Variants in ANKRD36 observed in about 807,000 individuals in gnomAD.
ANKRD36 encodes ankyrin repeat domain 36.
ANKRD36 carries 179 observed loss-of-function variants against 278.1 expected under a neutral mutation model. The observed-to-expected ratio is 0.64, with a 90% CI of 0.57 to 0.73. The LOEUF (loss-of-function observed/expected upper bound fraction) is 0.73. Among genes scored for constraint, ANKRD36 ranks in the 30% least tolerant of loss-of-function variants. ANKRD36 has a pLI of 0.00. For missense variants in ANKRD36, 1,159 were observed against 1,956.7 expected (o/e 0.59, Z 7.69); for synonymous variants, 320 against 641.1 (o/e 0.50, Z 7.57).
intron 64 of ANKRD36, among the ~76,000 whole-genome samples, chr2:97,217,939 T>G (rs1348215747): frequency 6.6e-6 from 1 of 151,924 alleles, no homozygotes; most frequent in Non-Finnish European, 1.5e-5. Context: ...CAGATGCATT[T>G]TGAATATTTG....
chr2:97,120,584 T>C (rs2036534141), intron 3 of ANKRD36, among the ~76,000 whole-genome samples: 1 of 151,612 alleles, frequency 6.6e-6, no homozygotes, highest in African/African-American at 2.4e-5. Flanking sequence ...TCTGGGAAAA[T>C]TAAACATAAA....
intron 16 of ANKRD36, among the ~76,000 whole-genome samples, 189 bp from the exon 17 acceptor site, chr2:97,158,399 G>C (rs2048055657): frequency 1.3e-5 from 2 of 152,024 alleles, no homozygotes; most frequent in African/African-American, 4.8e-5. Flanking sequence ...GGCTATTTTT[G>C]TATTTTTGGT....
intron 28 of ANKRD36, 124 bp from the exon 29 acceptor site, chr2:97,185,192 A>G: frequency 7.5e-7 from 1 of 1,337,654 alleles, no homozygotes. Context: ...GTCCCCAGAC[A>G]CAAAAATCAA....
chr2:97,195,976 A>G (rs1575655679), intron 40 of ANKRD36, among the ~76,000 whole-genome samples: 1 of 152,094 alleles, frequency 6.6e-6, no homozygotes, highest in African/African-American at 2.4e-5. Context: ...AAACTAGTGG[A>G]TACAAGAAAC....
intron 11 of ANKRD36, among the ~76,000 whole-genome samples, chr2:97,148,125 T>A (rs1446550657): frequency 1.3e-5 from 2 of 151,976 alleles, no homozygotes; most frequent in Non-Finnish European, 2.9e-5. Context: ...CTTAAGTACA[T>A]AGATCTGTGA....
At chr2:97,128,007 A>T (rs1217487209) in intron 6 of ANKRD36, among the ~76,000 whole-genome samples, 3 of 151,972 alleles carry the variant, frequency 2.0e-5, no homozygotes, top group African/African-American at 7.2e-5. Flanking sequence ...TGAACATTGA[A>T]TGTAAAACAT....
At chr2:97,227,743 G>T (rs1252420431) in intron 67 of ANKRD36, among the ~76,000 whole-genome samples, 104 of 152,190 alleles carry the variant, frequency 6.8e-4, no homozygotes, top group Non-Finnish European at 1.3e-3. Flanking sequence ...TCCAGTTTTT[G>T]CCCATTCAGT....
In ANKRD36 at chr2:97,118,047, T is replaced by C; in HGVS notation, c.198-17T>C. The stretch of plus-strand genomic sequence containing the variant: ...GCTTACAGTTACATGTTTTAAAAAG[T>C]CCTGTCACTCTCACAGGACCGCCCT... On this transcript the variant is annotated splice_polypyrimidine_tract_variant and intron_variant, in intron 1 of 75. Coordinates refer to ENST00000420699, the MANE Select transcript of ANKRD36 (RefSeq NM_001354587.1). The C allele has an allele frequency of 6.5e-7, 1 of 1,547,970 alleles. No individual in the cohort carries two copies. The highest frequency in any genetic ancestry group is 2.0e-5 in the Admixed American group (1 of 50,040).
rs3100120 is a variant in ANKRD36 at position 97,144,200 on chromosome 2, A to G, written c.902-318A>G. Among the ~76,000 whole-genome samples the G allele has an allele frequency of 2.8e-3, 428 of 150,562 alleles. 1 individual carries two copies. Among genetic ancestry groups the G allele is most frequent in the African/African-American group, 9.7e-3 (396 of 40,972 alleles). ...ACATTGATTCCCAAGTGTATGAGTCACTGCTCTGATTTTAGATCACATTTG... is the reference window on the plus strand; with the variant it reads ...ACATTGATTCCCAAGTGTATGAGTCGCTGCTCTGATTTTAGATCACATTTG... On this transcript the variant is annotated intron_variant, in intron 8 of 75. Transcript: ENST00000420699.
At position 97,198,530 on chromosome 2, in the gene ANKRD36, CAT is replaced by C. The variant is rs759054885; in HGVS notation, c.2682+41_2682+42del. ...CATTTATATTGTGACCTAGTAAATG[CAT>C]AGTCTATGAAACATACTTTATTAAT... On this transcript the variant is annotated intron_variant, in intron 43 of 75. Transcript: ENST00000420699. The C allele has an allele frequency of 4.5e-6, 7 of 1,567,426 alleles. No homozygotes were observed. In the East Asian group the frequency reaches 1.7e-4, roughly 37 times the overall value.
intron 34 of ANKRD36, 78 bp downstream of exon 34, chr2:97,189,368 AG>A: frequency 3.3e-6 from 1 of 302,124 alleles, no homozygotes; most frequent in African/African-American, 2.1e-5. Flanking sequence ...AAATCAGCGG[AG>A]GGTGGGTGGG....
chr2:97,144,626 G>T lies in ANKRD36; in HGVS notation c.931-14G>T. Reference sequence around the variant, plus strand: ...ACTGTAGGTATTGATTATTTTGTTTGAAATCCCACTCAGGATACAAGTGAC... The same window carrying T: ...ACTGTAGGTATTGATTATTTTGTTTTAAATCCCACTCAGGATACAAGTGAC... On this transcript the variant is annotated splice_polypyrimidine_tract_variant and intron_variant, in intron 9 of 75. Transcript: ENST00000420699. 6.5e-7 allele frequency: 1 copy of T among 1,547,252 alleles called. No individual in the cohort carries two copies. The highest frequency in any genetic ancestry group is 1.2e-5 in the South Asian group (1 of 84,664).
chr2:97,132,663 T>C (rs746455769), intron 6 of ANKRD36, among the ~76,000 whole-genome samples: 13 of 152,116 alleles, frequency 8.5e-5, no homozygotes, highest in African/African-American at 1.2e-4. Flanking sequence ...ACCACCTCTG[T>C]GTTTGGCGAT....
At chr2:97,169,173 CATT>C (rs2051612440) in intron 22 of ANKRD36, among the ~76,000 whole-genome samples, 1 of 152,226 alleles carries the variant, frequency 6.6e-6, no homozygotes, top group African/African-American at 2.4e-5. Flanking sequence ...GATGGTATCT[CATT>C]GTGGTTTTGA....
At chr2:97,155,146 A>G (rs2047146981) in intron 15 of ANKRD36, among the ~76,000 whole-genome samples, 1 of 138,930 alleles carries the variant, frequency 7.2e-6, no homozygotes, top group African/African-American at 2.5e-5. Flanking sequence ...TCTTTGTTAC[A>G]TCAGATGACT....
chr2:97,200,471 G>T lies in ANKRD36; in HGVS notation c.2803G>T (p.Asp935Tyr). 6.3e-7 allele frequency: 1 copy of T among 1,590,022 alleles called. No individual in the cohort carries two copies. Among genetic ancestry groups the T allele is most frequent in the Non-Finnish European group, 8.5e-7 (1 of 1,173,408 alleles). Reference protein sequence around the residue: ...PSLEATSDEKDSFSNITREKK... With the variant: ...PSLEATSDEKYSFSNITREKK... ...CATTCAGGCCACAAGTGATGAGAAGGATTCTTTTTCGAATATAACCAGAGA... is the reference window on the plus strand; with the variant it reads ...CATTCAGGCCACAAGTGATGAGAAGTATTCTTTTTCGAATATAACCAGAGA... The change falls in exon 46 of 76, where the codon GAT becomes TAT. Residue 935 changes from aspartate to tyrosine, a missense_variant. By Grantham distance (160) the Asp-to-Tyr change is radical. Transcript: ENST00000420699.
At chr2:97,211,776 T>C (rs2064707098) in intron 58 of ANKRD36, 35 bp downstream of exon 58, 1 of 1,547,352 alleles carries the variant, frequency 6.5e-7, no homozygotes, top group African/African-American at 1.4e-5. Context: ...TGATGTTCGG[T>C]CAGGGTAGAA....
At chr2:97,146,226 C>T (rs2044210040) in intron 10 of ANKRD36, among the ~76,000 whole-genome samples, 1 of 151,078 alleles carries the variant, frequency 6.6e-6, no homozygotes, top group South Asian at 2.1e-4. Context: ...CTCAGCCTCA[C>T]AAAGTGCTGG....
At chr2:97,211,453 G>C in intron 56 of ANKRD36, 93 bp from the exon 57 acceptor site, 1 of 1,540,132 alleles carries the variant, frequency 6.5e-7, no homozygotes, top group Non-Finnish European at 8.9e-7. Context: ...AATACAGGCT[G>C]GGGGACAGAG....
Sources: allele counts gnomAD v4.1 joint callset (sites outside exome capture counted in the v4.1 genomes callset), GRCh38; gene constraint gnomAD v4.1.1; transcripts MANE v1.5; gene names NCBI Gene and HGNC (gene_info 2026-07-23, HGNC 2026-07-21).